Variants in PLXNA4 observed in about 807,000 individuals in gnomAD.
PLXNA4 encodes the protein plexin A4.
A neutral mutation model predicts 191.8 loss-of-function variants in PLXNA4; 44 were observed. The ratio of observed to expected loss-of-function variants is 0.23; its 90% confidence interval spans 0.18 to 0.29. The LOEUF (loss-of-function observed/expected upper bound fraction) is 0.29, where lower values mean the gene tolerates loss of function less well. Ranked by LOEUF, PLXNA4 falls within the 10% of genes least tolerant of loss-of-function variation. PLXNA4 has a pLI of 1.00. For synonymous variants in PLXNA4, 1,082 were observed against 1,009.5 expected (o/e 1.07, Z -1.36); for missense variants, 1,800 against 2,488.8 (o/e 0.72, Z 5.89).
At chr7:132,347,175 G>A (rs1161945394) in intron 3 of PLXNA4, among the ~76,000 whole-genome samples, 2 of 152,134 alleles carry the variant, frequency 1.3e-5, no homozygotes, top group African/African-American at 2.4e-5. Context: ...GGATTAAATA[G>A]CATCAAAGCA....
Position 132,217,659 on chromosome 7 carries a change from A to G in PLXNA4, c.2097+5868T>C, listed in dbSNP as rs144527414. On this transcript the variant is annotated intron_variant, in intron 9 of 31. Coordinates refer to ENST00000321063, the MANE Select transcript of PLXNA4 (RefSeq NM_020911.2). ...AGTGCCCAATACAAAAATGTAACGCATCATATATTTTCTTGCTGTTCCCCA... is the reference window on the plus strand; with the variant it reads ...AGTGCCCAATACAAAAATGTAACGCGTCATATATTTTCTTGCTGTTCCCCA... Among the ~76,000 whole-genome samples, 5 of 152,298 alleles carry G rather than the reference A, an allele frequency of 3.3e-5. No individual in the cohort carries two copies. The East Asian group carries it at 9.7e-4, about 29-fold the overall frequency.
chr7:132,227,678 A>G (rs1261985045), intron 6 of PLXNA4, 74 bp from the exon 7 acceptor site: 13 of 1,580,836 alleles, frequency 8.2e-6, no homozygotes, highest in Non-Finnish European at 1.0e-5. Context: ...ATAAAAAAAG[A>G]AAGTGGGAGA....
At chr7:132,614,695 G>C (rs1005131699) in intron 2 of PLXNA4, among the ~76,000 whole-genome samples, 3 of 152,338 alleles carry the variant, frequency 2.0e-5, no homozygotes, top group South Asian at 2.1e-4. Context: ...AGAGGCACCT[G>C]GCCCAATTTG....
chr7:132,140,452 G>T, intron 30 of PLXNA4, 147 bp downstream of exon 30: 1 of 1,204,686 alleles, frequency 8.3e-7, no homozygotes, highest in Non-Finnish European at 1.1e-6. Flanking sequence ...GGGACTTGGG[G>T]GTGTGGGTGT....
intron 2 of PLXNA4, among the ~76,000 whole-genome samples, chr7:132,502,259 C>A (rs1798287715): frequency 2.0e-5 from 3 of 152,128 alleles, no homozygotes; most frequent in Admixed American, 6.5e-5. Context: ...CTCAGGACTG[C>A]CATGCCTAGG....
upstream of PLXNA4, among the ~76,000 whole-genome samples, chr7:132,577,614 C>G (rs1403717652): frequency 6.6e-6 from 1 of 152,236 alleles, no homozygotes; most frequent in South Asian, 2.1e-4. Flanking sequence ...TTTGCCGACA[C>G]CCCCCTGGGT....
rs1345778198 is a variant in PLXNA4 at position 132,174,877 on chromosome 7, G to A, written c.3918C>T (p.Asp1306=). The A allele has an allele frequency of 6.2e-7, 1 of 1,614,194 alleles. No individual in the cohort carries two copies. The highest frequency in any genetic ancestry group is 1.7e-5 in the Admixed American group (1 of 60,026). ...LQTDIHELTS[D]LDGAGIPFLD... ...GGAACGGAATCCCGGCTCCATCCAG[G>A]TCACTGGTCAGCTCATGGATGTCCG... Residue 1306 remains aspartate (D), a synonymous_variant, in exon 21 of 32, where the codon GAC becomes GAT. Coordinates refer to ENST00000321063, the MANE Select transcript of PLXNA4 (RefSeq NM_020911.2).
At chr7:132,538,269 C>T (rs753461594) in intron 1 of PLXNA4, among the ~76,000 whole-genome samples, 3 of 152,090 alleles carry the variant, frequency 2.0e-5, no homozygotes, top group Admixed American at 6.5e-5. Context: ...CTGGTGCTCC[C>T]GAAGCGGAGA....
chr7:132,430,406 T>C (rs1282348279), intron 3 of PLXNA4, among the ~76,000 whole-genome samples: 1 of 151,948 alleles, frequency 6.6e-6, no homozygotes, highest in Non-Finnish European at 1.5e-5. Flanking sequence ...AATGGTTAAG[T>C]AGCACAAGGC....
At chr7:132,297,956 T>C (rs1341960519) in intron 4 of PLXNA4, 135 bp downstream of exon 4, 2 of 1,148,204 alleles carry the variant, frequency 1.7e-6, no homozygotes, top group Non-Finnish European at 2.5e-6. Flanking sequence ...AACTGAAAAG[T>C]ATAACTGAAA....
At chr7:132,339,956 A>G (rs1262243700) in intron 3 of PLXNA4, among the ~76,000 whole-genome samples, 1 of 152,268 alleles carries the variant, frequency 6.6e-6, no homozygotes, top group Non-Finnish European at 1.5e-5. Flanking sequence ...TAATCTACAC[A>G]CACAGCATAT....
intron 1 of PLXNA4, among the ~76,000 whole-genome samples, chr7:132,514,616 T>C (rs752396346): frequency 2.6e-5 from 4 of 152,068 alleles, no homozygotes; most frequent in Non-Finnish European, 5.9e-5. Context: ...TTGAAGGTCA[T>C]GAATAGAACA....
chr7:132,625,342 T>G (rs573658847), intron 2 of PLXNA4, among the ~76,000 whole-genome samples: 1 of 152,292 alleles, frequency 6.6e-6, no homozygotes, highest in East Asian at 1.9e-4. Flanking sequence ...TCTTCTGACA[T>G]TTGTGTCCTT....
chr7:132,584,444 T>A (rs1366238914), intron 2 of PLXNA4, among the ~76,000 whole-genome samples: 1 of 152,166 alleles, frequency 6.6e-6, no homozygotes, highest in African/African-American at 2.4e-5. Context: ...CACCTCAAAC[T>A]TAAGATTAGT....
At chr7:132,211,948 C>T (rs1266029730) in intron 9 of PLXNA4, among the ~76,000 whole-genome samples, 2 of 152,180 alleles carry the variant, frequency 1.3e-5, no homozygotes, top group Non-Finnish European at 2.9e-5. Flanking sequence ...AGGGTGGGTG[C>T]TCTGCCCAGT....
intron 1 of PLXNA4, among the ~76,000 whole-genome samples, chr7:132,526,573 C>T (rs1799409800): frequency 6.6e-6 from 1 of 152,212 alleles, no homozygotes; most frequent in Non-Finnish European, 1.5e-5. Flanking sequence ...AGGTGCCCTG[C>T]CTGAATGGTT....
At chr7:132,578,624 G>C (rs2116808495), upstream of PLXNA4, among the ~76,000 whole-genome samples, 1 of 152,242 alleles carries the variant, frequency 6.6e-6, no homozygotes, top group East Asian at 1.9e-4. Context: ...GGCACATATA[G>C]GTCAGGCTTG....
At chr7:132,317,356 G>A (rs1201175093) in intron 3 of PLXNA4, among the ~76,000 whole-genome samples, 1 of 151,670 alleles carries the variant, frequency 6.6e-6, no homozygotes, top group African/African-American at 2.4e-5. Flanking sequence ...GATTGGGTTG[G>A]GTTGTGTTGG....
chr7:132,343,106 AT>A (rs5887567), intron 3 of PLXNA4, among the ~76,000 whole-genome samples: 2,401 of 147,274 alleles, frequency 0.016, 57 homozygotes, highest in African/African-American at 0.053. Flanking sequence ...AACAGTTAAG[AT>A]TTTTTTTTTT....
Sources: allele counts gnomAD v4.1 joint callset (sites outside exome capture counted in the v4.1 genomes callset), GRCh38; gene constraint gnomAD v4.1.1; transcripts MANE v1.5; gene names NCBI Gene and HGNC (gene_info 2026-07-23, HGNC 2026-07-21).